KIF15: variants seen among roughly 807,000 people sequenced by gnomAD.
KIF15 encodes kinesin-like protein KIF15.
A neutral mutation model predicts 190.6 loss-of-function variants in KIF15; 140 were observed. The observed-to-expected ratio is 0.73, with a 90% CI of 0.64 to 0.84. The LOEUF is 0.84. KIF15 is among the 40% of genes least tolerant of loss of function. The pLI is 0.00. For missense variants in KIF15, 1,372 were observed against 1,584.4 expected (o/e 0.87, Z 2.28); for synonymous variants, 528 against 551.3 (o/e 0.96, Z 0.59).
Position 44,797,545 on chromosome 3 carries a change from CTT to C in KIF15, c.850-4_850-3del. The C allele has an allele frequency of 6.2e-7, 1 of 1,612,758 alleles. No homozygotes were observed. Among genetic ancestry groups the C allele is most frequent in the Non-Finnish European group, 8.5e-7 (1 of 1,179,374 alleles). ...AAATTTTTGTTCTTTTCCGTCAACA[CTT>C]TAGGAAGCAGGTAACATAAATCGAT... On this transcript the variant is annotated splice_polypyrimidine_tract_variant and splice_region_variant and intron_variant, in intron 8 of 34. Transcript: ENST00000326047.
chr3:44,789,920 TG>T (rs1271150223), intron 7 of KIF15, among the ~76,000 whole-genome samples: 1 of 151,926 alleles, frequency 6.6e-6, no homozygotes, highest in African/African-American at 2.4e-5. Flanking sequence ...TTGAAATAAA[TG>T]TCAACTATAC....
intron 7 of KIF15, among the ~76,000 whole-genome samples, chr3:44,790,028 G>C (rs980442147): frequency 1.3e-5 from 2 of 151,998 alleles, no homozygotes; most frequent in African/African-American, 4.8e-5. Flanking sequence ...GGTTAAATCG[G>C]GAATAAATGT....
At chr3:44,868,261 G>A (rs773862902) in intron 6 of KIF15, among the ~76,000 whole-genome samples, 3 of 152,028 alleles carry the variant, frequency 2.0e-5, no homozygotes, top group African/African-American at 7.3e-5. Context: ...TGTTTTCAAG[G>A]CTCATTCATG....
intron 6 of KIF15, chr3:44,862,067 C>A: frequency 8.3e-7 from 1 of 1,198,252 alleles, no homozygotes; most frequent in Non-Finnish European, 1.0e-6. Context: ...TGCGCCGGCG[C>A]GTTCGGGGCC....
Position 44,841,196 on chromosome 3 carries a change from T to C in KIF15, c.3543T>C (p.Asn1181=), listed in dbSNP as rs1575679072. Residue 1181 remains asparagine (N), a synonymous_variant, in exon 29 of 35, where the codon AAT becomes AAC. Transcript: ENST00000326047. ...TSLEHLVTKL[N]EDREVKNAEI... is the part of the protein sequence containing the mutation. ...TGGAACACCTTGTAACAAAGCTAAA[T>C]GAAGACAGAGAAGTCAAAAATGCTG... 1 of 1,612,274 alleles carries C rather than the reference T, an allele frequency of 6.2e-7. No individual in the cohort carries two copies. Among genetic ancestry groups the C allele is most frequent in the African/African-American group, 1.3e-5 (1 of 74,822 alleles).
intron 7 of KIF15, 58 bp downstream of exon 7, chr3:44,786,632 C>T: frequency 1.4e-6 from 2 of 1,398,808 alleles, no homozygotes; most frequent in Non-Finnish European, 9.6e-7. Context: ...GTGAATGCAC[C>T]CCAAACTCCA....
Position 44,802,885 on chromosome 3 carries a change from G to A in KIF15, c.1581G>A (p.Leu527=). Reference sequence around the variant, plus strand: ...CCCTCAGGGAGGAGAATAGAAGACTGAGATTATTAGAGCCTGTGAAAAGAG... The same window carrying A: ...CCCTCAGGGAGGAGAATAGAAGACTAAGATTATTAGAGCCTGTGAAAAGAG... The part of the protein sequence containing the change: ...NHSLREENRR[L]RLLEPVKRAQ... The change falls in exon 14 of 35, where the codon CTG becomes CTA. Residue 527 remains leucine, a synonymous_variant. Coordinates refer to ENST00000326047, the MANE Select transcript of KIF15 (RefSeq NM_020242.3). 6.2e-7 allele frequency: 1 copy of A among 1,612,260 alleles called. No homozygotes were observed. Among genetic ancestry groups the A allele is most frequent in the Non-Finnish European group, 8.5e-7 (1 of 1,179,588 alleles).
At chr3:44,844,086 C>T (rs1285203388) in intron 30 of KIF15, among the ~76,000 whole-genome samples, 1 of 152,144 alleles carries the variant, frequency 6.6e-6, no homozygotes, top group African/African-American at 2.4e-5. Flanking sequence ...AGTGGGATCT[C>T]CGAGATAGAA....
At chr3:44,769,403 TATCC>T (rs1429471856) in intron 1 of KIF15, among the ~76,000 whole-genome samples, 5 of 152,156 alleles carry the variant, frequency 3.3e-5, no homozygotes, top group Non-Finnish European at 7.4e-5. Context: ...TCTGTCCTTA[TATCC>T]CCAAGACCTG....
rs372505896 is a variant in KIF15, at chr3:44,839,156, G to A, written c.3318+735G>A. On this transcript the variant is annotated intron_variant, in intron 27 of 34. Coordinates refer to ENST00000326047, the MANE Select transcript of KIF15 (RefSeq NM_020242.3). ...GAGGCCAAGGTGGGTGGATCACGAG[G>A]TCAGGAGATCAAGACCATCCTGGCT... is the stretch of plus-strand genomic sequence containing the variant. 2.0e-5 allele frequency among the ~76,000 whole-genome samples: 3 copies of A among 151,942 alleles called. No homozygotes were observed. The East Asian group carries it at 5.8e-4, about 29-fold the overall frequency.
chr3:44,786,623 T>C, intron 7 of KIF15, 49 bp downstream of exon 7: 1 of 1,469,372 alleles, frequency 6.8e-7, no homozygotes, highest in Non-Finnish European at 9.2e-7. Context: ...AAACCTGCTG[T>C]GAATGCACCC....
intron 7 of KIF15, among the ~76,000 whole-genome samples, chr3:44,793,766 A>G (rs1706833684): frequency 1.3e-5 from 2 of 152,288 alleles, no homozygotes; most frequent in South Asian, 2.1e-4. Context: ...CTTTTTCCCT[A>G]TGAAAGTAGA....
chr3:44,824,017 AC>A (rs1227697889), intron 20 of KIF15, among the ~76,000 whole-genome samples: 1 of 152,076 alleles, frequency 6.6e-6, no homozygotes, highest in Non-Finnish European at 1.5e-5. Context: ...CGTGGTCTGC[AC>A]CCACTGTCCA....
intron 1 of KIF15, among the ~76,000 whole-genome samples, chr3:44,768,082 T>G (rs539070621): frequency 6.6e-6 from 1 of 151,670 alleles, no homozygotes; most frequent in Non-Finnish European, 1.5e-5. Flanking sequence ...AAGACCATCC[T>G]GGCCAACATG....
At chr3:44,865,788 T>G (rs1474909788) in intron 6 of KIF15, 1 of 155,486 alleles carries the variant, frequency 6.4e-6, no homozygotes, top group Non-Finnish European at 1.4e-5. Flanking sequence ...GTGGCTTCGG[T>G]TGCTCTGACA....
At chr3:44,778,917 T>G (rs1000171822) in intron 4 of KIF15, among the ~76,000 whole-genome samples, 1 of 139,200 alleles carries the variant, frequency 7.2e-6, no homozygotes, top group Non-Finnish European at 1.5e-5. Context: ...GAGGCAGAGG[T>G]TGCAGTGAGC....
intron 6 of KIF15, among the ~76,000 whole-genome samples, chr3:44,859,497 T>G (rs1244040175): frequency 2.0e-5 from 3 of 152,036 alleles, no homozygotes; most frequent in Non-Finnish European, 2.9e-5. Context: ...AAATCCTGTC[T>G]ATACAAAAAA....
At position 44,830,084 on chromosome 3, in the gene KIF15, G is replaced by T; in HGVS notation, c.3048+9G>T. 2 of 1,480,758 alleles carry T rather than the reference G, an allele frequency of 1.4e-6. No individual in the cohort carries two copies. Among genetic ancestry groups the T allele is most frequent in the East Asian group, 2.4e-5 (1 of 41,132 alleles). The allele number at this position is 1,480,758 out of a possible 1,614,324, so 91.7% of individuals were successfully genotyped here. A position where few individuals can be genotyped will look rare whatever the true frequency, so the allele number is the denominator to read the frequency against. On this transcript the variant is annotated intron_variant, in intron 25 of 34. Transcript: ENST00000326047. Reference sequence around the variant, plus strand: ...AACTGAAGGACATAAATGTAAGTTCGGTCACCAACAAGATGTTAAATTTGA... The same window carrying T: ...AACTGAAGGACATAAATGTAAGTTCTGTCACCAACAAGATGTTAAATTTGA...
chr3:44,831,201 T>A (rs987645140), intron 26 of KIF15, among the ~76,000 whole-genome samples, 183 bp downstream of exon 26: 2 of 152,122 alleles, frequency 1.3e-5, no homozygotes, highest in African/African-American at 4.8e-5. Context: ...TGCCTGCACC[T>A]CATGCTGCCA....
Sources: allele counts gnomAD v4.1 joint callset (sites outside exome capture counted in the v4.1 genomes callset), GRCh38; gene constraint gnomAD v4.1.1; transcripts MANE v1.5; gene names NCBI Gene and HGNC (gene_info 2026-07-23, HGNC 2026-07-21).